Variants in CCSER1 observed in about 807,000 individuals in gnomAD.
CCSER1 encodes the protein serine-rich coiled-coil domain-containing protein 1.
A neutral mutation model predicts 82.0 loss-of-function variants in CCSER1; 41 were observed. The ratio of observed to expected loss-of-function variants is 0.50; its 90% CI spans 0.39 to 0.65. The LOEUF (loss-of-function observed/expected upper bound fraction) is 0.65, where lower values mean the gene tolerates loss of function less well. Ranked by LOEUF, CCSER1 falls within the 30% of genes least tolerant of loss-of-function variation. The pLI is 0.00. For missense variants in CCSER1, 1,119 were observed against 1,064.2 expected (o/e 1.05, Z -0.72); for synonymous variants, 414 against 383.9 (o/e 1.08, Z -0.92).
chr4:91,107,872 T>C (rs1725780175), intron 10 of CCSER1, among the ~76,000 whole-genome samples: 1 of 152,160 alleles, frequency 6.6e-6, no homozygotes, highest in African/African-American at 2.4e-5. Context: ...TTTTCTTTTG[T>C]TATTTTTTGA....
intron 1 of CCSER1, among the ~76,000 whole-genome samples, chr4:90,302,212 G>A (rs987412881): frequency 1.3e-5 from 2 of 152,160 alleles, no homozygotes; most frequent in African/African-American, 4.8e-5. Context: ...GGGTATTAAA[G>A]CAAGGAGAAA....
chr4:91,081,745 C>T (rs1722779161), intron 9 of CCSER1, among the ~76,000 whole-genome samples: 1 of 152,156 alleles, frequency 6.6e-6, no homozygotes, highest in Admixed American at 6.5e-5. Context: ...GTGCAAAAAT[C>T]ACAAGCATTC....
At chr4:90,960,183 T>A (rs966713554) in intron 9 of CCSER1, among the ~76,000 whole-genome samples, 16 of 151,592 alleles carry the variant, frequency 1.1e-4, no homozygotes, top group African/African-American at 1.5e-4. Flanking sequence ...TTCATTTTTT[T>A]TAAAAAAAGG....
Position 90,355,195 on chromosome 4 carries a change from A to G in CCSER1, c.1509+42148A>G, listed in dbSNP as rs191396910. On this transcript the variant is annotated intron_variant, in intron 3 of 10. Transcript: ENST00000509176. Reference sequence around the variant, plus strand: ...ACTCTTTAAAAACAATACACATGCTATAAATTGTTTCTTTGGAATAATGGC... The same window carrying G: ...ACTCTTTAAAAACAATACACATGCTGTAAATTGTTTCTTTGGAATAATGGC... 9.2e-5 allele frequency among the ~76,000 whole-genome samples: 14 copies of G among 152,162 alleles called. No individual in the cohort carries two copies. The East Asian group carries it at 2.7e-3, about 29-fold the overall frequency.
At chr4:90,353,363 CT>C (rs1462598222) in intron 3 of CCSER1, among the ~76,000 whole-genome samples, 1 of 151,926 alleles carries the variant, frequency 6.6e-6, no homozygotes, top group African/African-American at 2.4e-5. Context: ...CCTTGAATGA[CT>C]TTTTAAAAAC....
At chr4:91,260,306 C>T (rs954683000) in intron 10 of CCSER1, among the ~76,000 whole-genome samples, 6 of 152,184 alleles carry the variant, frequency 3.9e-5, no homozygotes, top group African/African-American at 1.4e-4. Context: ...CCCCAATATA[C>T]ACATACACAC....
At chr4:90,682,015 T>A (rs1050258579) in intron 6 of CCSER1, among the ~76,000 whole-genome samples, 1 of 148,966 alleles carries the variant, frequency 6.7e-6, no homozygotes, top group Non-Finnish European at 1.5e-5. Context: ...AAAAAATAAC[T>A]TTTTTTTTTA....
chr4:90,215,040 T>C (rs1256388059), intron 1 of CCSER1, among the ~76,000 whole-genome samples: 2 of 152,188 alleles, frequency 1.3e-5, no homozygotes, highest in African/African-American at 4.8e-5. Context: ...TTTAAAGAAA[T>C]GTGTCATGAA....
chr4:91,152,923 T>C (rs1730393886), intron 10 of CCSER1, among the ~76,000 whole-genome samples: 1 of 151,974 alleles, frequency 6.6e-6, no homozygotes, highest in South Asian at 2.1e-4. Flanking sequence ...ACCCATCCTT[T>C]CTCTCTCATT....
intron 4 of CCSER1, among the ~76,000 whole-genome samples, chr4:90,462,863 G>C (rs970890624): frequency 7.9e-5 from 12 of 152,070 alleles, no homozygotes; most frequent in Admixed American, 5.9e-4. Flanking sequence ...CAACCCAAGT[G>C]CAAGATTATT....
chr4:90,817,256 TAGC>T (rs1415853239), intron 8 of CCSER1, among the ~76,000 whole-genome samples: 59 of 152,248 alleles, frequency 3.9e-4, no homozygotes, highest in Non-Finnish European at 2.8e-4. Flanking sequence ...AATTTTAACA[TAGC>T]AGAGTATTTA....
intron 7 of CCSER1, among the ~76,000 whole-genome samples, chr4:90,737,505 A>G (rs187084062): frequency 2.0e-3 from 297 of 152,074 alleles, no homozygotes; most frequent in Non-Finnish European, 3.0e-3. Flanking sequence ...GCTCCATTGT[A>G]TGTTGTTCCT....
intron 10 of CCSER1, among the ~76,000 whole-genome samples, chr4:91,564,635 C>A (rs1327119041): frequency 7.2e-5 from 11 of 151,922 alleles, no homozygotes; most frequent in Non-Finnish European, 1.5e-5. Context: ...TTGCATTTCT[C>A]TAATCAGTGC....
intron 3 of CCSER1, among the ~76,000 whole-genome samples, chr4:90,385,057 T>C (rs1211482160): frequency 2.0e-5 from 3 of 152,208 alleles, no homozygotes; most frequent in Non-Finnish European, 4.4e-5. Context: ...GCAAAAGACA[T>C]TATTTCATTC....
At chr4:90,592,606 C>T (rs1009300763) in intron 5 of CCSER1, among the ~76,000 whole-genome samples, 20 of 152,074 alleles carry the variant, frequency 1.3e-4, no homozygotes, top group South Asian at 1.0e-3. Context: ...TCATCTCTTA[C>T]GCACAGCCTA....
At chr4:90,947,971 A>G (rs1441077182) in intron 9 of CCSER1, among the ~76,000 whole-genome samples, 1 of 152,092 alleles carries the variant, frequency 6.6e-6, no homozygotes, top group Admixed American at 6.6e-5. Flanking sequence ...TCAACCTTTA[A>G]GATATAAAAA....
chr4:91,447,873 CT>C (rs1227455046), intron 10 of CCSER1, among the ~76,000 whole-genome samples: 3 of 152,002 alleles, frequency 2.0e-5, no homozygotes, highest in African/African-American at 7.2e-5. Context: ...TGACAGCATG[CT>C]TGTGTCTTTA....
In CCSER1 at chr4:90,536,789, A is replaced by C. The variant is rs528260825; in HGVS notation, c.1724+68435A>C. 1.2e-4 allele frequency among the ~76,000 whole-genome samples: 18 copies of C among 152,326 alleles called. 1 individual carries two copies. The highest frequency in any genetic ancestry group is 3.8e-4 in the African/African-American group (16 of 41,574). ...TGTTTCTTTTTTGATGGAATGAGGA[A>C]AATTCTAGCTACCTTACATGGTTAT... is the stretch of plus-strand genomic sequence containing the variant. On this transcript the variant is annotated intron_variant, in intron 5 of 10. Transcript: ENST00000509176.
intron 8 of CCSER1, among the ~76,000 whole-genome samples, chr4:90,844,840 A>G (rs533014496): frequency 2.4e-4 from 37 of 152,320 alleles, no homozygotes; most frequent in Non-Finnish European, 5.3e-4. Flanking sequence ...TGTAGTTGCT[A>G]GACAAGGGGT....
Sources: allele counts gnomAD v4.1 joint callset (sites outside exome capture counted in the v4.1 genomes callset), GRCh38; gene constraint gnomAD v4.1.1; transcripts MANE v1.5; gene names NCBI Gene and HGNC (gene_info 2026-07-23, HGNC 2026-07-21).